SHROOM4: variants seen among roughly 807,000 people sequenced by gnomAD.
SHROOM4 encodes protein Shroom4.
Under a neutral mutation model 80.3 loss-of-function variants are expected in SHROOM4, and 17 were observed. That is an observed-to-expected ratio of 0.21 (90% CI 0.14 to 0.32). The LOEUF (loss-of-function observed/expected upper bound fraction) is 0.32. Among genes scored for constraint, SHROOM4 ranks in the 10% least tolerant of loss-of-function variants. The pLI is 1.00. For synonymous variants in SHROOM4, 400 were observed against 437.5 expected (o/e 0.91, Z 1.07); for missense variants, 993 against 1,140.3 (o/e 0.87, Z 1.86).
chrX:50,672,178 A>G (rs895193137), intron 2 of SHROOM4, among the ~76,000 whole-genome samples: 1 of 112,162 alleles, frequency 8.9e-6, no homozygotes, highest in Non-Finnish European at 1.9e-5. Flanking sequence ...TTACAATAGT[A>G]CCATCAAAAA....
chrX:50,813,757 A>G (rs1403623043), intron 1 of SHROOM4, 145 bp downstream of exon 1: 1 of 470,791 alleles, frequency 2.1e-6, no homozygotes, highest in East Asian at 3.7e-5. Flanking sequence ...ACTGGTGGCA[A>G]GACCCCTCCG....
At chrX:50,721,665 C>A (rs1261849564) in intron 1 of SHROOM4, among the ~76,000 whole-genome samples, 1 of 111,258 alleles carries the variant, frequency 9.0e-6, no homozygotes, top group Non-Finnish European at 1.9e-5. Context: ...GGAATGCAGC[C>A]CAGCAGGTCT....
At chrX:50,680,729 C>G (rs1366399315) in intron 2 of SHROOM4, among the ~76,000 whole-genome samples, 2 of 111,251 alleles carry the variant, frequency 1.8e-5, no homozygotes, top group African/African-American at 6.5e-5. Flanking sequence ...AAAGCTTTAT[C>G]AGAGGGTGAC....
chrX:50,607,728 TTCCTCC>T lies in SHROOM4; in HGVS notation c.3408_3413del (p.Glu1150_Glu1151del), dbSNP rs143151534. On this transcript the variant is annotated inframe_deletion, in exon 6 of 9. Transcript: ENST00000376020. ...CTTCCTCTTCCTCTTCTTCTTCTTC[TTCCTCC>T]TCCTCCTCCTCCTCCTGTTGCTTCT... 1.6e-4 allele frequency: 174 copies of T among 1,116,663 alleles called. No individual in the cohort carries two copies. Among genetic ancestry groups the T allele is most frequent in the Non-Finnish European group, 2.0e-4 (162 of 826,832 alleles). 92.0% of individuals were successfully genotyped at this position (1,116,663 alleles called of 1,213,427 possible). A position where few individuals can be genotyped will look rare whatever the true frequency, so the allele number is the denominator to read the frequency against.
Position 50,601,338 on chromosome X carries a change from C to T in SHROOM4, c.3942+1295G>A, listed in dbSNP as rs150182715. Among the ~76,000 whole-genome samples the T allele has an allele frequency of 4.0e-3, 454 of 112,101 alleles. 5 individuals carry two copies. The highest frequency in any genetic ancestry group is 0.014 in the African/African-American group (420 of 30,900). On this transcript the variant is annotated intron_variant, in intron 7 of 8. Coordinates refer to ENST00000376020, the MANE Select transcript of SHROOM4 (RefSeq NM_020717.5). The stretch of plus-strand genomic sequence containing the variant: ...TGAGTAAGCTAGGAGTACCCCTGCT[C>T]GGGGAACATGGAATCCAAGGAAGCA...
rs1350909811 is a variant in SHROOM4 at position 50,595,396 on chromosome X, C to A, written c.*1299G>T. ...GTTTTGGTTCCCTTGAGCCAGGCCA[C>A]AGGCTGAGAAAGCAATGGTTAGAGG... On this transcript the variant is annotated 3_prime_UTR_variant, in exon 9 of 9. Coordinates refer to ENST00000376020, the MANE Select transcript of SHROOM4 (RefSeq NM_020717.5). 8.3e-6 allele frequency: 1 copy of A among 120,297 alleles called. No homozygotes were observed. The highest frequency in any genetic ancestry group is 2.5e-4 in the East Asian group (1 of 4,014). 9.9% of individuals were successfully genotyped at this position (120,297 alleles called of 1,213,427 possible).
chrX:50,666,146 G>T (rs1466942540), intron 2 of SHROOM4, among the ~76,000 whole-genome samples: 2 of 111,334 alleles, frequency 1.8e-5, no homozygotes, highest in Non-Finnish European at 3.8e-5. Flanking sequence ...TACTAGCTTT[G>T]TGGTCTTAGA....
rs142052951 is a variant in SHROOM4, at chrX:50,635,564, T to C, written c.509A>G (p.Tyr170Cys). The C allele has an allele frequency of 1.7e-3, 2,015 of 1,207,382 alleles. 24 individuals carry two copies. The highest frequency in any genetic ancestry group is 2.9e-4 in the Non-Finnish European group (259 of 894,582). The change falls in exon 4 of 9, where the codon TAT becomes TGT. Residue 170 changes from tyrosine (Y) to cysteine (C), a missense_variant. By Grantham distance (194) the Tyr-to-Cys change is radical (BLOSUM62 -2). Coordinates refer to ENST00000376020, the MANE Select transcript of SHROOM4 (RefSeq NM_020717.5). The part of the protein sequence containing the change: ...ESLEQPGQAT[Y>C]ESHLLPIDQN... ...GTCAATAGGCAACAGATGGCTCTCA[T>C]AGGTGGCTTGGCCTGGTTGCTCCAG...
chrX:50,737,171 A>T (rs193036546), intron 1 of SHROOM4, among the ~76,000 whole-genome samples: 1 of 111,661 alleles, frequency 9.0e-6, no homozygotes, highest in East Asian at 2.8e-4. Flanking sequence ...ATAACTTATG[A>T]TGTATATCAT....
At chrX:50,671,391 C>T (rs1932796557) in intron 2 of SHROOM4, among the ~76,000 whole-genome samples, 1 of 112,075 alleles carries the variant, frequency 8.9e-6, no homozygotes, top group African/African-American at 3.2e-5. Context: ...TCCTAGATGG[C>T]ATCTTCTTCC....
chrX:50,581,739 C>T, the SHROOM4 span, among the ~76,000 whole-genome samples: 1 of 111,661 alleles, frequency 9.0e-6, no homozygotes, highest in African/African-American at 3.3e-5. Context: ...GTATCTATGC[C>T]CTAAGCTTTT....
At chrX:50,612,997 A>T (rs1365100691) in intron 5 of SHROOM4, among the ~76,000 whole-genome samples, 1 of 112,270 alleles carries the variant, frequency 8.9e-6, no homozygotes, top group Non-Finnish European at 1.9e-5. Flanking sequence ...CACTTTCCCC[A>T]CTAATATTTA....
At chrX:50,638,082 C>T (rs1262576994) in intron 3 of SHROOM4, 92 bp downstream of exon 3, 35 of 1,078,804 alleles carry the variant, frequency 3.2e-5, no homozygotes, top group Non-Finnish European at 4.3e-5. Context: ...GTACTTGAGG[C>T]TCTAACATCC....
intron 1 of SHROOM4, among the ~76,000 whole-genome samples, chrX:50,805,656 G>A (rs1264273161): frequency 3.6e-5 from 4 of 111,789 alleles, no homozygotes; most frequent in Non-Finnish European, 7.5e-5. Context: ...CACTTCCACA[G>A]CCTAGACCAA....
chrX:50,770,422 C>A (rs782775872), intron 1 of SHROOM4, among the ~76,000 whole-genome samples: 2 of 112,015 alleles, frequency 1.8e-5, no homozygotes, highest in African/African-American at 6.5e-5. Flanking sequence ...ATAAGTCCAA[C>A]ATACTGTGTT....
intron 1 of SHROOM4, among the ~76,000 whole-genome samples, chrX:50,709,200 A>C (rs1164680215): frequency 9.0e-6 from 1 of 111,579 alleles, no homozygotes; most frequent in Non-Finnish European, 1.9e-5. Context: ...TGGTGATCTT[A>C]AACATTTAGA....
At chrX:50,801,147 G>T (rs1936108373) in intron 1 of SHROOM4, among the ~76,000 whole-genome samples, 1 of 108,083 alleles carries the variant, frequency 9.3e-6, no homozygotes, top group Admixed American at 1.0e-4. Flanking sequence ...TGCTGCAACA[G>T]AATCAGTTGG....
intron 7 of SHROOM4, among the ~76,000 whole-genome samples, chrX:50,599,658 C>T (rs140681698): frequency 2.7e-5 from 3 of 111,779 alleles, no homozygotes; most frequent in Non-Finnish European, 5.6e-5. Flanking sequence ...GTTCACAACA[C>T]TCATTCTTGT....
chrX:50,766,347 G>A (rs1446218280), intron 1 of SHROOM4, among the ~76,000 whole-genome samples: 1 of 110,872 alleles, frequency 9.0e-6, no homozygotes, highest in African/African-American at 3.3e-5. Flanking sequence ...ACAAGAGACA[G>A]AAAGACACAC....
Sources: allele counts gnomAD v4.1 joint callset (sites outside exome capture counted in the v4.1 genomes callset), GRCh38; gene constraint gnomAD v4.1.1; transcripts MANE v1.5; gene names NCBI Gene and HGNC (gene_info 2026-07-23, HGNC 2026-07-21).